The following NLGN1 variants were observed in gnomAD, a reference collection of about 807,000 sequenced individuals.
NLGN1 encodes neuroligin-1.
In NLGN1, 12 loss-of-function variants were observed where a neutral mutation model predicts 65.5. The ratio of observed to expected loss-of-function variants is 0.18; its 90% CI spans 0.12 to 0.30. The LOEUF (loss-of-function observed/expected upper bound fraction) is 0.30. Among genes scored for constraint, NLGN1 ranks in the 10% least tolerant of loss-of-function variants. The pLI, the probability that NLGN1 is intolerant of heterozygous loss-of-function variation, is 1.00. For missense variants in NLGN1, 750 were observed against 1,007.1 expected (o/e 0.74, Z 3.46); for synonymous variants, 350 against 359.5 (o/e 0.97, Z 0.30).
At chr3:173,887,302 A>G (rs1734527301) in intron 4 of NLGN1, among the ~76,000 whole-genome samples, 1 of 152,010 alleles carries the variant, frequency 6.6e-6, no homozygotes, top group Non-Finnish European at 1.5e-5. Flanking sequence ...GGAATCCTAA[A>G]GAGTTCAGAG....
intron 3 of NLGN1, among the ~76,000 whole-genome samples, chr3:173,802,623 TGACTC>T (rs1375626246): frequency 6.6e-6 from 1 of 152,176 alleles, no homozygotes; most frequent in East Asian, 1.9e-4. Context: ...TTCCAAATGT[TGACTC>T]GACATCACTG....
chr3:173,926,688 A>G (rs976188782), intron 4 of NLGN1, among the ~76,000 whole-genome samples: 3 of 152,130 alleles, frequency 2.0e-5, no homozygotes, highest in African/African-American at 7.2e-5. Flanking sequence ...GTAATGTTCC[A>G]TGTTTACGTG....
At chr3:173,909,384 A>T (rs572620078) in intron 4 of NLGN1, among the ~76,000 whole-genome samples, 20 of 152,252 alleles carry the variant, frequency 1.3e-4, no homozygotes, top group African/African-American at 4.6e-4. Context: ...AAACAGAAGC[A>T]TCTCATCCTT....
intron 4 of NLGN1, among the ~76,000 whole-genome samples, chr3:174,152,042 C>T (rs1215017208): frequency 6.6e-6 from 1 of 152,054 alleles, no homozygotes; most frequent in Non-Finnish European, 1.5e-5. Flanking sequence ...AATATCAGAA[C>T]ATTATGAAAA....
At chr3:173,409,175 TAGAA>T (rs1003175863) in intron 1 of NLGN1, among the ~76,000 whole-genome samples, 4 of 152,124 alleles carry the variant, frequency 2.6e-5, no homozygotes, top group Non-Finnish European at 4.4e-5. Context: ...GTTAGAGTGT[TAGAA>T]AGAGTATAAA....
At chr3:173,877,478 CAG>C (rs1168672730) in intron 4 of NLGN1, among the ~76,000 whole-genome samples, 4 of 148,366 alleles carry the variant, frequency 2.7e-5, no homozygotes, top group Admixed American at 1.3e-4. Flanking sequence ...AATCCTAAAA[CAG>C]AGAAAAAAAA....
intron 3 of NLGN1, among the ~76,000 whole-genome samples, chr3:173,713,327 T>G (rs1328985154): frequency 6.6e-6 from 1 of 152,144 alleles, no homozygotes; most frequent in African/African-American, 2.4e-5. Context: ...TATTTGGGTT[T>G]ACAAATTACA....
intron 4 of NLGN1, among the ~76,000 whole-genome samples, chr3:174,121,193 C>T (rs1043069196): frequency 7.9e-5 from 12 of 152,198 alleles, no homozygotes; most frequent in Non-Finnish European, 5.9e-5. Flanking sequence ...ATTTCTGCTG[C>T]TTTGGACTGG....
At position 173,577,253 on chromosome 3, in the gene NLGN1, A is replaced by C. The variant is rs186044007; in HGVS notation, c.-320-27026A>C. Among the ~76,000 whole-genome samples the C allele has an allele frequency of 7.2e-5, 11 of 152,346 alleles. No individual in the cohort carries two copies. The East Asian group carries it at 2.1e-3, about 29-fold the overall frequency. ...TGTGAGTTGGTTTAATGTATTACACATAAGCCAAGAATTATATTCTCATTC... is the reference window on the plus strand; with the variant it reads ...TGTGAGTTGGTTTAATGTATTACACCTAAGCCAAGAATTATATTCTCATTC... On this transcript the variant is annotated intron_variant, in intron 2 of 6. Coordinates refer to ENST00000457714, the Ensembl canonical transcript of NLGN1.
At chr3:174,242,782 T>G (rs561783797) in intron 4 of NLGN1, among the ~76,000 whole-genome samples, 1 of 152,290 alleles carries the variant, frequency 6.6e-6, no homozygotes, top group South Asian at 2.1e-4. Flanking sequence ...GCAATGCACT[T>G]GAATCATCCT....
chr3:174,165,193 T>C (rs887194975), intron 4 of NLGN1, among the ~76,000 whole-genome samples: 4 of 151,980 alleles, frequency 2.6e-5, no homozygotes, highest in African/African-American at 9.7e-5. Context: ...ATGCTTTTTC[T>C]TTCTCTTGTC....
chr3:173,419,101 C>G (rs1416620891), intron 1 of NLGN1, among the ~76,000 whole-genome samples: 1 of 88,968 alleles, frequency 1.1e-5, no homozygotes. Context: ...ATCTATCTAT[C>G]TATCTATATA....
intron 2 of NLGN1, among the ~76,000 whole-genome samples, chr3:173,557,064 C>T (rs997864672): frequency 6.6e-6 from 1 of 152,028 alleles, no homozygotes; most frequent in Non-Finnish European, 1.5e-5. Flanking sequence ...CTATCAGTCA[C>T]TGAGAAAGTA....
intron 2 of NLGN1, among the ~76,000 whole-genome samples, chr3:173,585,552 T>C (rs917596962): frequency 6.6e-6 from 1 of 151,844 alleles, no homozygotes; most frequent in African/African-American, 2.4e-5. Context: ...ACAGGGTCAC[T>C]GCACCGGATA....
At chr3:174,012,356 T>G (rs917973729) in intron 4 of NLGN1, among the ~76,000 whole-genome samples, 1 of 152,176 alleles carries the variant, frequency 6.6e-6, no homozygotes, top group Non-Finnish European at 1.5e-5. Flanking sequence ...TTTCTGTCCC[T>G]TAAATTGATC....
exon 7 of NLGN1, chr3:174,281,390 C>G: frequency 1.2e-6 from 1 of 811,788 alleles, no homozygotes; most frequent in Non-Finnish European, 2.0e-6. Flanking sequence ...ACAAGACTTA[C>G]TATTTAAATA....
At chr3:173,448,458 G>C (rs1270677517) in intron 2 of NLGN1, among the ~76,000 whole-genome samples, 1 of 152,178 alleles carries the variant, frequency 6.6e-6, no homozygotes, top group Admixed American at 6.5e-5. Context: ...GCTGTATTTG[G>C]TTTGCCAGTA....
intron 4 of NLGN1, among the ~76,000 whole-genome samples, chr3:173,851,174 G>T (rs1371142750): frequency 6.6e-6 from 1 of 152,050 alleles, no homozygotes; most frequent in African/African-American, 2.4e-5. Flanking sequence ...TTTCCTCGAA[G>T]TTTGCACAAG....
chr3:174,066,560 C>CTGTG (rs1326570279), intron 4 of NLGN1, among the ~76,000 whole-genome samples: 79 of 133,968 alleles, frequency 5.9e-4, no homozygotes, highest in African/African-American at 2.3e-3. Context: ...CTCTCTCTCT[C>CTGTG]TCTCTGTGTG....
Sources: gnomAD v4.1 joint callset for allele counts (sites outside exome capture counted in the v4.1 genomes callset) on GRCh38, gnomAD v4.1.1 for gene constraint, MANE v1.5 for transcripts, NCBI Gene and HGNC (gene_info 2026-07-23, HGNC 2026-07-21) for gene names.